STXBP6: variants seen among roughly 807,000 people sequenced by gnomAD.
STXBP6 encodes the protein syntaxin-binding protein 6.
STXBP6 carries 21 observed loss-of-function variants against 26.9 expected under a neutral mutation model. The ratio of observed to expected loss-of-function variants is 0.78; its 90% CI spans 0.55 to 1.12. The LOEUF is 1.12. Ranked by LOEUF, STXBP6 falls within the 50% of genes most tolerant of loss-of-function variation. The pLI, the probability that STXBP6 is intolerant of heterozygous loss-of-function variation, is 0.00. For missense variants in STXBP6, 232 were observed against 257.9 expected (o/e 0.90, Z 0.69); for synonymous variants, 97 against 92.6 (o/e 1.05, Z -0.27).
chr14:25,008,809 CT>C (rs1392827548), intron 1 of STXBP6, among the ~76,000 whole-genome samples: 31 of 152,250 alleles, frequency 2.0e-4, no homozygotes, highest in African/African-American at 7.5e-4. Context: ...ACATCAGAAG[CT>C]TTTAGAATAG....
intron 1 of STXBP6, among the ~76,000 whole-genome samples, chr14:25,039,456 G>C (rs1419840415): frequency 6.6e-6 from 1 of 152,214 alleles, no homozygotes; most frequent in South Asian, 2.1e-4. Context: ...GCTGCTTTCT[G>C]ACTGTCTTTG....
chr14:25,007,614 G>A (rs772730781), intron 1 of STXBP6, among the ~76,000 whole-genome samples: 2 of 152,206 alleles, frequency 1.3e-5, no homozygotes, highest in African/African-American at 2.4e-5. Context: ...GCTCTGTGAG[G>A]TCAGGGAATT....
intron 1 of STXBP6, among the ~76,000 whole-genome samples, chr14:24,994,481 A>C (rs926360545): frequency 1.3e-5 from 2 of 152,048 alleles, no homozygotes; most frequent in Non-Finnish European, 2.9e-5. Flanking sequence ...TCACAAAGCT[A>C]TTTCCCCAGC....
At chr14:24,974,961 T>C in intron 1 of STXBP6, 111 bp from the exon 2 acceptor site, 1 of 612,954 alleles carries the variant, frequency 1.6e-6, no homozygotes, top group Non-Finnish European at 2.6e-6. Context: ...ATTTACAGTT[T>C]AATCTCATAA....
At chr14:24,975,316 T>C (rs1420357747) in intron 1 of STXBP6, among the ~76,000 whole-genome samples, 1 of 152,196 alleles carries the variant, frequency 6.6e-6, no homozygotes, top group Non-Finnish European at 1.5e-5. Flanking sequence ...CTAATTCCAT[T>C]CATAATGGAA....
intron 1 of STXBP6, among the ~76,000 whole-genome samples, chr14:25,041,604 A>T (rs748457775): frequency 3.4e-5 from 5 of 148,642 alleles, no homozygotes; most frequent in Non-Finnish European, 5.9e-5. Context: ...GCTCACTGAT[A>T]TACGCCCTAT....
chr14:24,877,560 CG>C (rs2070191535), intron 2 of STXBP6, among the ~76,000 whole-genome samples: 1 of 151,910 alleles, frequency 6.6e-6, no homozygotes, highest in Non-Finnish European at 1.5e-5. Context: ...TATTTTATCT[CG>C]GAACTCCTCA....
chr14:24,954,280 G>T (rs1444286924), intron 2 of STXBP6, among the ~76,000 whole-genome samples: 3 of 152,154 alleles, frequency 2.0e-5, no homozygotes, highest in Admixed American at 6.5e-5. Flanking sequence ...GGTAGCAGCT[G>T]AAGAAGTCTG....
At chr14:25,018,768 C>T (rs2075206753) in intron 1 of STXBP6, among the ~76,000 whole-genome samples, 1 of 152,192 alleles carries the variant, frequency 6.6e-6, no homozygotes, top group African/African-American at 2.4e-5. Context: ...CTAGCCTTGA[C>T]CTGCCTATGC....
chr14:24,877,244 C>A (rs1346508848), intron 2 of STXBP6, among the ~76,000 whole-genome samples: 1 of 152,164 alleles, frequency 6.6e-6, no homozygotes, highest in Non-Finnish European at 1.5e-5. Flanking sequence ...TACTCAAAGA[C>A]CTCAAAACCA....
At chr14:24,948,961 T>C (rs902709353) in intron 2 of STXBP6, among the ~76,000 whole-genome samples, 1 of 152,186 alleles carries the variant, frequency 6.6e-6, no homozygotes, top group African/African-American at 2.4e-5. Context: ...TCCCAATTTC[T>C]TTCTAATACG....
At chr14:25,017,801 A>T (rs1028022575) in intron 1 of STXBP6, among the ~76,000 whole-genome samples, 5 of 152,240 alleles carry the variant, frequency 3.3e-5, no homozygotes, top group Non-Finnish European at 5.9e-5. Flanking sequence ...TGGTTTCCCC[A>T]GGCCTTGGTT....
intron 2 of STXBP6, among the ~76,000 whole-genome samples, chr14:24,951,133 C>G (rs1453150093): frequency 6.6e-6 from 1 of 152,166 alleles, no homozygotes; most frequent in African/African-American, 2.4e-5. Flanking sequence ...TTTATCCAGT[C>G]TATCATGGAT....
rs145069795 is a variant in STXBP6 at position 24,974,768 on chromosome 14, T to C, written c.51A>G (p.Glu17=). 5.0e-6 allele frequency: 8 copies of C among 1,607,352 alleles called. No individual in the cohort carries two copies. The highest frequency in any genetic ancestry group is 6.8e-6 in the Non-Finnish European group (8 of 1,176,230). Residue 17 remains glutamate (E), a synonymous_variant, in exon 2 of 6, where the codon GAA becomes GAG. Coordinates refer to ENST00000323944, the MANE Select transcript of STXBP6 (RefSeq NM_001394410.1). ...TGACTTGGACAGCTCCCAGCATCCTTTCATCAAGAGGTGCAAAAATTTCCT... is the reference window on the plus strand; with the variant it reads ...TGACTTGGACAGCTCCCAGCATCCTCTCATCAAGAGGTGCAAAAATTTCCT... ...ISKEIFAPLD[E]RMLGAVQVKR... is the part of the protein sequence containing the mutation.
intron 4 of STXBP6, among the ~76,000 whole-genome samples, chr14:24,832,796 T>A (rs2068494762): frequency 6.6e-6 from 1 of 152,214 alleles, no homozygotes; most frequent in Non-Finnish European, 1.5e-5. Context: ...ACCAACCAAC[T>A]GTATATCTGG....
intron 4 of STXBP6, among the ~76,000 whole-genome samples, chr14:24,838,679 G>A (rs961880028): frequency 2.0e-5 from 3 of 149,552 alleles, no homozygotes; most frequent in Non-Finnish European, 3.0e-5. Context: ...TCGAGATCCC[G>A]TCTCAAAAAA....
intron 1 of STXBP6, among the ~76,000 whole-genome samples, chr14:25,024,448 AGT>A (rs2075313091): frequency 1.3e-5 from 2 of 152,216 alleles, no homozygotes; most frequent in Admixed American, 1.3e-4. Flanking sequence ...AGTTAAAGGT[AGT>A]AAGTTCAAGA....
chr14:24,846,978 A>G (rs1470120952), intron 4 of STXBP6, among the ~76,000 whole-genome samples: 1 of 152,166 alleles, frequency 6.6e-6, no homozygotes, highest in African/African-American at 2.4e-5. Flanking sequence ...CTCATATACT[A>G]TGCTCAAATT....
At chr14:24,893,584 G>T (rs939481218) in intron 2 of STXBP6, among the ~76,000 whole-genome samples, 1 of 152,180 alleles carries the variant, frequency 6.6e-6, no homozygotes, top group African/African-American at 2.4e-5. Context: ...AAAATATGGG[G>T]TACTAATGTG....
Sources: allele counts gnomAD v4.1 joint callset (sites outside exome capture counted in the v4.1 genomes callset), GRCh38; gene constraint gnomAD v4.1.1; transcripts MANE v1.5; gene names NCBI Gene and HGNC (gene_info 2026-07-23, HGNC 2026-07-21).